The following LRRC7 variants were observed in gnomAD, a reference collection of about 807,000 sequenced individuals.
LRRC7 encodes leucine rich repeat containing 7.
In LRRC7, 23 loss-of-function variants were observed where a neutral mutation model predicts 175.7. That is an observed-to-expected ratio of 0.13 (90% confidence interval 0.09 to 0.19). The LOEUF is 0.19. Among genes scored for constraint, LRRC7 ranks in the 10% least tolerant of loss-of-function variants. The pLI, the probability that LRRC7 is intolerant of heterozygous loss-of-function variation, is 1.00. For synonymous variants in LRRC7, 685 were observed against 680.9 expected (o/e 1.01, Z -0.09); for missense variants, 1,354 against 1,904.7 (o/e 0.71, Z 5.38).
intron 8 of LRRC7, among the ~76,000 whole-genome samples, chr1:69,942,631 G>A (rs981155150): frequency 2.0e-5 from 3 of 151,690 alleles, no homozygotes; most frequent in Non-Finnish European, 2.9e-5. Context: ...TCCTCACATC[G>A]CCTTGATCTC....
intron 10 of LRRC7, among the ~76,000 whole-genome samples, chr1:69,993,240 C>A (rs1479882429): frequency 6.6e-6 from 1 of 152,080 alleles, no homozygotes; most frequent in Non-Finnish European, 1.5e-5. Flanking sequence ...GTCCCTTTCC[C>A]AGGTGATGTT....
intron 1 of LRRC7, among the ~76,000 whole-genome samples, chr1:69,616,602 G>A (rs1042381364): frequency 1.6e-4 from 25 of 152,086 alleles, no homozygotes; most frequent in Non-Finnish European, 2.2e-4. Context: ...ACTTTATGAT[G>A]AGGAAAGGTA....
intron 1 of LRRC7, among the ~76,000 whole-genome samples, chr1:69,655,184 G>C (rs1020011373): frequency 6.6e-6 from 1 of 152,164 alleles, no homozygotes. Context: ...AAACCTTACA[G>C]GTATGGTTGA....
chr1:69,752,798 G>A (rs1053245409), intron 2 of LRRC7, among the ~76,000 whole-genome samples: 2 of 152,140 alleles, frequency 1.3e-5, no homozygotes, highest in African/African-American at 4.8e-5. Context: ...AATCCATGCA[G>A]CATTGTGGAG....
rs575752670 is a variant in LRRC7 at position 69,736,738 on chromosome 1, G to A, written c.101-23453G>A. On this transcript the variant is annotated intron_variant, in intron 2 of 26. Coordinates refer to ENST00000651989, the MANE Select transcript of LRRC7 (RefSeq NM_001370785.2). ...CTTTGCTGCCTTATCTGAGGAAAGG[G>A]GACCAGGCTGCGGGTTCTTTCTCTT... 3.9e-5 allele frequency among the ~76,000 whole-genome samples: 6 copies of A among 152,078 alleles called. No homozygotes were observed. In the South Asian group the frequency reaches 6.2e-4, roughly 16 times the overall value.
chr1:69,570,184 C>A (rs1205870574), intron 1 of LRRC7, among the ~76,000 whole-genome samples: 1 of 152,030 alleles, frequency 6.6e-6, no homozygotes, highest in Non-Finnish European at 1.5e-5. Context: ...AGAGTGCATT[C>A]CAGCGAAAGC....
chr1:70,030,957 A>G (rs566913597), intron 18 of LRRC7, among the ~76,000 whole-genome samples: 1 of 152,220 alleles, frequency 6.6e-6, no homozygotes, highest in East Asian at 1.9e-4. Flanking sequence ...TGCAGTTTGC[A>G]TTTGCCTTTT....
intron 2 of LRRC7, among the ~76,000 whole-genome samples, chr1:69,745,616 G>A (rs1669171508): frequency 6.6e-6 from 1 of 151,718 alleles, no homozygotes; most frequent in Non-Finnish European, 1.5e-5. Context: ...CAAAAAATAT[G>A]TTTCAAGGAA....
At chr1:69,947,722 T>C (rs1480465519) in intron 8 of LRRC7, among the ~76,000 whole-genome samples, 1 of 152,106 alleles carries the variant, frequency 6.6e-6, no homozygotes, top group Non-Finnish European at 1.5e-5. Context: ...GAGGATATGC[T>C]TCAAAACCCA....
intron 7 of LRRC7, among the ~76,000 whole-genome samples, chr1:69,908,625 A>G (rs1200879455): frequency 1.3e-5 from 2 of 150,032 alleles, no homozygotes; most frequent in Non-Finnish European, 3.0e-5. Context: ...GTGGTCTGAG[A>G]GACAGTTTGT....
At chr1:70,043,635 A>G (rs1660096984) in intron 21 of LRRC7, among the ~76,000 whole-genome samples, 1 of 152,224 alleles carries the variant, frequency 6.6e-6, no homozygotes, top group Non-Finnish European at 1.5e-5. Flanking sequence ...AGACTACCAC[A>G]GACGAATAAT....
chr1:69,722,321 C>T (rs1343838591), intron 2 of LRRC7, among the ~76,000 whole-genome samples: 1 of 151,920 alleles, frequency 6.6e-6, no homozygotes, highest in Non-Finnish European at 1.5e-5. Context: ...TATTTTGCAA[C>T]CAGTCTTTTG....
chr1:69,810,094 G>A (rs1005719248), intron 4 of LRRC7, among the ~76,000 whole-genome samples: 10 of 152,092 alleles, frequency 6.6e-5, no homozygotes, highest in Non-Finnish European at 1.3e-4. Context: ...CAAAATCAAT[G>A]TGCAAAAATC....
rs899749491 is a variant in LRRC7 at position 69,925,939 on chromosome 1, G to A, written c.648-5568G>A. Among the ~76,000 whole-genome samples the A allele has an allele frequency of 1.3e-5, 2 of 148,424 alleles. 1 individual carries two copies. Among genetic ancestry groups the A allele is most frequent in the Admixed American group, 1.4e-4 (2 of 14,576 alleles). On this transcript the variant is annotated intron_variant, in intron 7 of 26. Transcript: ENST00000651989. ...TCCTGCTTTGTCTTGTGGGCATTTA[G>A]TGCTATAAATTTCCCTCTACACACT...
At position 69,760,243 on chromosome 1, in the gene LRRC7, A is replaced by C; in HGVS notation, c.153A>C (p.Pro51=). The C allele has an allele frequency of 1.2e-6, 2 of 1,612,794 alleles. No individual in the cohort carries two copies. Residue 51 remains proline (P), a synonymous_variant, in exon 3 of 27, where the codon CCA becomes CCC. Transcript: ENST00000651989. ...GGAAAATCATCGGCCGTCTGGTGCC[A>C]TGCCGATGTTTCCGAGGTGAAGAAG... ...TKRKIIGRLV[P]CRCFRGEEEI...
chr1:69,828,122 T>C (rs978297979), intron 5 of LRRC7, among the ~76,000 whole-genome samples: 4 of 152,112 alleles, frequency 2.6e-5, no homozygotes, highest in African/African-American at 9.7e-5. Flanking sequence ...TCCCCTTTAT[T>C]CCCAGGTAGT....
In LRRC7 at chr1:69,626,734, C is replaced by G. The variant is rs1020305180; in HGVS notation, c.3-51647C>G. On this transcript the variant is annotated intron_variant, in intron 1 of 26. Transcript: ENST00000651989. ...CCCCCCTCCCCTCTCCTCCGCCCCC[C>G]CATGACAGGCCCCGGTGTGTGATGT... is the stretch of plus-strand genomic sequence containing the variant. Among the ~76,000 whole-genome samples the G allele has an allele frequency of 2.3e-5, 3 of 129,162 alleles. No homozygotes were observed. The East Asian group carries it at 8.4e-4, about 36-fold the overall frequency. The allele number at this position is 129,162 out of a possible 152,430, so 84.7% of individuals were successfully genotyped here.
intron 8 of LRRC7, among the ~76,000 whole-genome samples, chr1:69,951,766 CA>C (rs1649958293): frequency 6.6e-6 from 1 of 151,820 alleles, no homozygotes; most frequent in Admixed American, 6.6e-5. Context: ...GAGAAGGAAA[CA>C]ACAAACACTG....
rs369848907 is a variant in LRRC7, at chr1:70,041,955, C to A, written c.3970-1999C>A. 2.0e-5 allele frequency among the ~76,000 whole-genome samples: 3 copies of A among 152,216 alleles called. No homozygotes were observed. The South Asian group carries it at 6.2e-4, about 32-fold the overall frequency. On this transcript the variant is annotated intron_variant, in intron 21 of 26. Transcript: ENST00000651989. ...ACAAAAAGCAAACTCATGTATTTTTCATTGCTATGATGACACTTCCCTTCT... is the reference window on the plus strand; with the variant it reads ...ACAAAAAGCAAACTCATGTATTTTTAATTGCTATGATGACACTTCCCTTCT...
Sources: gnomAD v4.1 joint callset for allele counts (sites outside exome capture counted in the v4.1 genomes callset) on GRCh38, gnomAD v4.1.1 for gene constraint, MANE v1.5 for transcripts, NCBI Gene and HGNC (gene_info 2026-07-23, HGNC 2026-07-21) for gene names.